GPHN: variants seen among roughly 807,000 people sequenced by gnomAD.
GPHN encodes gephyrin.
In GPHN, 17 loss-of-function variants were observed where a neutral mutation model predicts 95.5. The ratio of observed to expected loss-of-function variants is 0.18; its 90% confidence interval spans 0.12 to 0.27. The LOEUF (loss-of-function observed/expected upper bound fraction) is 0.27, where lower values mean the gene tolerates loss of function less well. Ranked by LOEUF, GPHN falls within the 10% of genes least tolerant of loss-of-function variation. GPHN has a pLI of 1.00. For synonymous variants in GPHN, 320 were observed against 322.5 expected (o/e 0.99, Z 0.08); for missense variants, 660 against 978.1 (o/e 0.67, Z 4.34).
intron 1 of GPHN, among the ~76,000 whole-genome samples, chr14:66,545,894 G>A (rs1418543160): frequency 4.6e-5 from 7 of 151,804 alleles, no homozygotes; most frequent in African/African-American, 7.2e-5. Flanking sequence ...TGGACGGGGC[G>A]GCTGGCCTAG....
At chr14:67,177,038 C>T (rs1488933011) in intron 21 of GPHN, among the ~76,000 whole-genome samples, 1 of 152,124 alleles carries the variant, frequency 6.6e-6, no homozygotes, top group Non-Finnish European at 1.5e-5. Context: ...CTCCTGGATT[C>T]ACTGATTTTT....
intron 10 of GPHN, among the ~76,000 whole-genome samples, chr14:67,052,429 A>G (rs145268952): frequency 6.6e-6 from 1 of 152,318 alleles, no homozygotes; most frequent in Non-Finnish European, 1.5e-5. Flanking sequence ...CTAAATATAC[A>G]GGAGGACCTA....
At chr14:66,903,094 T>A (rs192317396) in intron 5 of GPHN, among the ~76,000 whole-genome samples, 85 of 152,162 alleles carry the variant, frequency 5.6e-4, no homozygotes, top group African/African-American at 1.9e-3. Flanking sequence ...GTGAAATGAT[T>A]TGTAAATATC....
At chr14:67,732,534 A>G in the GPHN span, among the ~76,000 whole-genome samples, 1 of 104,710 alleles carries the variant, frequency 9.6e-6, no homozygotes, top group Non-Finnish European at 2.3e-5. Flanking sequence ...ATCCAAACAA[A>G]GCAAAAAAAA....
At chr14:66,621,244 G>A (rs572494261) in intron 1 of GPHN, among the ~76,000 whole-genome samples, 1 of 151,374 alleles carries the variant, frequency 6.6e-6, no homozygotes, top group South Asian at 2.1e-4. Flanking sequence ...CAAAGTGCTG[G>A]GATTACAGGC....
At chr14:66,658,991 T>A (rs1476126897) in intron 1 of GPHN, among the ~76,000 whole-genome samples, 2 of 151,918 alleles carry the variant, frequency 1.3e-5, no homozygotes, top group African/African-American at 4.8e-5. Flanking sequence ...CTTGATTTAG[T>A]TTTATTATGC....
At chr14:67,660,823 C>T in the GPHN span, among the ~76,000 whole-genome samples, 3 of 152,178 alleles carry the variant, frequency 2.0e-5, no homozygotes, top group African/African-American at 7.2e-5. Flanking sequence ...TCAAACAAAT[C>T]AGTAGCAGCT....
chr14:66,896,361 G>T (rs2064848066), intron 5 of GPHN, among the ~76,000 whole-genome samples: 1 of 152,144 alleles, frequency 6.6e-6, no homozygotes, highest in Non-Finnish European at 1.5e-5. Context: ...GCTCACCCCT[G>T]TAATCCCAGC....
chr14:67,206,409 T>C, the GPHN span, among the ~76,000 whole-genome samples: 2 of 152,192 alleles, frequency 1.3e-5, no homozygotes, highest in South Asian at 2.1e-4. Context: ...GGCAGGAGAA[T>C]TGTTTGAAAC....
At chr14:67,041,166 C>T (rs1038641274) in intron 10 of GPHN, among the ~76,000 whole-genome samples, 1 of 152,136 alleles carries the variant, frequency 6.6e-6, no homozygotes, top group East Asian at 1.9e-4. Flanking sequence ...GGCATCATAG[C>T]TCTACTTTGG....
At chr14:67,540,937 C>T in the GPHN span, among the ~76,000 whole-genome samples, 1 of 152,092 alleles carries the variant, frequency 6.6e-6, no homozygotes, top group Non-Finnish European at 1.5e-5. Flanking sequence ...GAGTGAATTC[C>T]CCTGGCTGGA....
At chr14:67,423,605 G>A in the GPHN span, among the ~76,000 whole-genome samples, 68,916 of 152,018 alleles carry the variant, frequency 0.45, 16,467 homozygotes, top group African/African-American at 0.6. Context: ...GTAAGTCTGA[G>A]AAAAGGTGGG....
chr14:66,806,024 C>T (rs997261927), intron 3 of GPHN, among the ~76,000 whole-genome samples: 8 of 152,228 alleles, frequency 5.3e-5, no homozygotes, highest in Non-Finnish European at 8.8e-5. Context: ...CCCACCCCTA[C>T]GGCAAACTTC....
intron 11 of GPHN, among the ~76,000 whole-genome samples, chr14:67,072,393 A>ATATTT (rs1161144792): frequency 1.3e-5 from 2 of 152,076 alleles, no homozygotes; most frequent in Non-Finnish European, 2.9e-5. Flanking sequence ...CAGCAGGGTT[A>ATATTT]TTTTTTTAAG....
At chr14:67,643,938 A>G in the GPHN span, among the ~76,000 whole-genome samples, 1 of 149,010 alleles carries the variant, frequency 6.7e-6, no homozygotes, top group Non-Finnish European at 1.5e-5. Context: ...TGACTAGGCC[A>G]TTCAATTAAA....
intron 19 of GPHN, among the ~76,000 whole-genome samples, 167 bp from the exon 20 acceptor site, chr14:67,164,994 CT>C (rs2082193371): frequency 6.6e-6 from 1 of 151,094 alleles, no homozygotes; most frequent in Non-Finnish European, 1.5e-5. Context: ...TAAAAACAAA[CT>C]TATTTAAGTG....
At chr14:66,747,076 T>TGGGTATCTG (rs1366265118) in intron 2 of GPHN, among the ~76,000 whole-genome samples, 1 of 152,204 alleles carries the variant, frequency 6.6e-6, no homozygotes, top group African/African-American at 2.4e-5. Flanking sequence ...TGCTCAGTTC[T>TGGGTATCTG]GGGTTTCTGG....
intron 4 of GPHN, among the ~76,000 whole-genome samples, chr14:66,826,185 A>C (rs1323686747): frequency 1.3e-5 from 2 of 152,170 alleles, no homozygotes; most frequent in Admixed American, 1.3e-4. Context: ...ATCGTGGGGA[A>C]ATAATTTACA....
the GPHN span, chr14:67,619,859 C>T: frequency 1.6e-4 from 105 of 669,356 alleles, 1 homozygote; most frequent in East Asian, 3.4e-3. Context: ...GTGGCGGTGA[C>T]GTCACGGGGC....
Sources: gnomAD v4.1 joint callset for allele counts (sites outside exome capture counted in the v4.1 genomes callset) on GRCh38, gnomAD v4.1.1 for gene constraint, MANE v1.5 for transcripts, NCBI Gene and HGNC (gene_info 2026-07-23, HGNC 2026-07-21) for gene names.